Variants in ADGRL3 observed in about 807,000 individuals in gnomAD.
ADGRL3 encodes adhesion G protein-coupled receptor L3.
Under a neutral mutation model 153.5 loss-of-function variants are expected in ADGRL3, and 62 were observed. That is an observed-to-expected ratio of 0.40 (90% CI 0.33 to 0.50). The LOEUF (loss-of-function observed/expected upper bound fraction) is 0.50, where lower values mean the gene tolerates loss of function less well. Among genes scored for constraint, ADGRL3 ranks in the 20% least tolerant of loss-of-function variants. The pLI, the probability that ADGRL3 is intolerant of heterozygous loss-of-function variation, is 0.47. For missense variants in ADGRL3, 1,641 were observed against 1,859.4 expected, an observed-to-expected ratio of 0.88 and a Z score of 2.16; for synonymous variants, 710 against 672.5, an observed-to-expected ratio of 1.06 and a Z score of -0.86.
At chr4:61,239,873 T>C (rs1194498657) in intron 1 of ADGRL3, among the ~76,000 whole-genome samples, 2 of 152,074 alleles carry the variant, frequency 1.3e-5, no homozygotes, top group South Asian at 4.1e-4. Flanking sequence ...GAGAAAGAAT[T>C]GGCTATGATG....
At position 61,781,497 on chromosome 4, in the gene ADGRL3, A is replaced by T. The variant is rs192950578; in HGVS notation, c.1400-32312A>T. Reference sequence around the variant, plus strand: ...GTTTACTTCCAGAAATATTTGGCTTAGTGAGTTAGGGTGAGTAGTAGCCGG... The same window carrying T: ...GTTTACTTCCAGAAATATTTGGCTTTGTGAGTTAGGGTGAGTAGTAGCCGG... On this transcript the variant is annotated intron_variant, in intron 8 of 26. Transcript: ENST00000683033. Among the ~76,000 whole-genome samples, 16 of 152,218 alleles carry T rather than the reference A, an allele frequency of 1.1e-4. 1 individual carries two copies. Among genetic ancestry groups the T allele is most frequent in the African/African-American group, 3.9e-4 (16 of 41,546 alleles).
At chr4:61,312,692 C>T (rs951189396) in intron 1 of ADGRL3, among the ~76,000 whole-genome samples, 1 of 152,136 alleles carries the variant, frequency 6.6e-6, no homozygotes, top group African/African-American at 2.4e-5. Context: ...CCACAACATA[C>T]CTTTTAGAAT....
intron 2 of ADGRL3, among the ~76,000 whole-genome samples, chr4:61,463,913 T>A (rs762075720): frequency 3.9e-5 from 6 of 152,176 alleles, no homozygotes; most frequent in Non-Finnish European, 7.3e-5. Flanking sequence ...TTGTGCATTT[T>A]GTGTATTTTT....
intron 4 of ADGRL3, among the ~76,000 whole-genome samples, chr4:61,526,811 G>T (rs912062575): frequency 1.3e-5 from 2 of 151,774 alleles, no homozygotes; most frequent in African/African-American, 4.8e-5. Flanking sequence ...TGTTTAATTC[G>T]AGGAATGTTG....
chr4:61,725,607 CCAAAAAAAAA>C (rs979724761), intron 6 of ADGRL3, among the ~76,000 whole-genome samples: 4 of 113,076 alleles, frequency 3.5e-5, no homozygotes, highest in African/African-American at 6.6e-5. Flanking sequence ...AAAAAAAAAA[CCAAAAAAAAA>C]CAAAAAAAAA....
intron 2 of ADGRL3, among the ~76,000 whole-genome samples, chr4:61,421,630 T>C (rs996711085): frequency 2.0e-5 from 3 of 152,188 alleles, no homozygotes; most frequent in Non-Finnish European, 4.4e-5. Context: ...CCTCATGATT[T>C]CAACATGATT....
At chr4:61,493,942 T>G (rs2098283849) in intron 2 of ADGRL3, among the ~76,000 whole-genome samples, 1 of 152,240 alleles carries the variant, frequency 6.6e-6, no homozygotes, top group Non-Finnish European at 1.5e-5. Context: ...TGGAACAATG[T>G]TATCTGCTTT....
chr4:61,672,707 C>T (rs534520858), intron 5 of ADGRL3, among the ~76,000 whole-genome samples: 7 of 151,948 alleles, frequency 4.6e-5, no homozygotes, highest in African/African-American at 1.4e-4. Context: ...GAAGAGAATC[C>T]TTATATACTA....
intron 21 of ADGRL3, among the ~76,000 whole-genome samples, chr4:62,016,235 G>A (rs900735957): frequency 1.1e-4 from 16 of 152,044 alleles, no homozygotes; most frequent in African/African-American, 3.9e-4. Flanking sequence ...TTTTAGTAGA[G>A]ATGGGGTTTC....
At chr4:61,456,766 A>C (rs2097761012) in intron 2 of ADGRL3, among the ~76,000 whole-genome samples, 1 of 151,752 alleles carries the variant, frequency 6.6e-6, no homozygotes. Flanking sequence ...CATAATGAGA[A>C]AATGGAAAAC....
intron 9 of ADGRL3, among the ~76,000 whole-genome samples, chr4:61,889,183 TA>T (rs1200195039): frequency 2.6e-5 from 4 of 152,234 alleles, no homozygotes; most frequent in Non-Finnish European, 5.9e-5. Context: ...TATTAGTGTA[TA>T]ACCCAGTCTT....
At chr4:61,254,102 A>G (rs1262530901) in intron 1 of ADGRL3, among the ~76,000 whole-genome samples, 1 of 152,174 alleles carries the variant, frequency 6.6e-6, no homozygotes, top group Non-Finnish European at 1.5e-5. Context: ...CTTTTTTCAT[A>G]TTAACCACTG....
In ADGRL3 at chr4:61,847,746, ATAT is replaced by A. The variant is rs1429537413; in HGVS notation, c.1480+33861_1480+33863del. Among the ~76,000 whole-genome samples, 29 of 41,798 alleles carry A rather than the reference ATAT, an allele frequency of 6.9e-4. 3 individuals are homozygous for A. The highest frequency in any genetic ancestry group is 1.2e-3 in the South Asian group (2 of 1,652). The allele number at this position is 41,798 out of a possible 152,430, so 27.4% of individuals were successfully genotyped here. A position where few individuals can be genotyped will look rare whatever the true frequency, so the allele number is the denominator to read the frequency against. On this transcript the variant is annotated intron_variant, in intron 9 of 26. Coordinates refer to ENST00000683033, the MANE Select transcript of ADGRL3 (RefSeq NM_001387552.1). ...ATATATTATATATATAATACAAAAT[ATAT>A]TATATATAATACAAAATATATATAT...
intron 4 of ADGRL3, among the ~76,000 whole-genome samples, chr4:61,584,939 T>A (rs1201994551): frequency 6.6e-6 from 1 of 151,966 alleles, no homozygotes; most frequent in African/African-American, 2.4e-5. Context: ...AGCATCCAAT[T>A]TCTGAGTGAT....
At chr4:61,219,240 C>CA (rs1357384499) in intron 1 of ADGRL3, among the ~76,000 whole-genome samples, 3 of 152,148 alleles carry the variant, frequency 2.0e-5, no homozygotes, top group Non-Finnish European at 2.9e-5. Flanking sequence ...TAAATGACCT[C>CA]ATCTAAACTT....
intron 17 of ADGRL3, among the ~76,000 whole-genome samples, chr4:61,978,705 A>C (rs2099056705): frequency 6.6e-6 from 1 of 152,206 alleles, no homozygotes; most frequent in Non-Finnish European, 1.5e-5. Context: ...ACAACCAAGG[A>C]ACATGGCAGA....
At chr4:61,564,271 G>A (rs186398017) in intron 4 of ADGRL3, among the ~76,000 whole-genome samples, 5 of 151,944 alleles carry the variant, frequency 3.3e-5, no homozygotes, top group Non-Finnish European at 5.9e-5. Flanking sequence ...GTTTTTGTTG[G>A]TTGGTTGGTT....
chr4:61,305,969 T>A (rs1442902231), intron 1 of ADGRL3, among the ~76,000 whole-genome samples: 4 of 152,048 alleles, frequency 2.6e-5, no homozygotes, highest in African/African-American at 9.7e-5. Context: ...CTGGTGGGGG[T>A]GTCATTTAGC....
chr4:61,787,912 A>G (rs1385530909), intron 8 of ADGRL3, among the ~76,000 whole-genome samples: 2 of 130,046 alleles, frequency 1.5e-5, no homozygotes, highest in Non-Finnish European at 3.1e-5. Context: ...ACTGGAAAAT[A>G]ACTTAGAAAA....
Sources: allele counts gnomAD v4.1 joint callset (sites outside exome capture counted in the v4.1 genomes callset), GRCh38; gene constraint gnomAD v4.1.1; transcripts MANE v1.5; gene names NCBI Gene and HGNC (gene_info 2026-07-23, HGNC 2026-07-21).